The following DYSF variants were observed in gnomAD, a reference collection of about 807,000 sequenced individuals.
DYSF encodes the protein dystrophy-associated fer-1-like 1.
A neutral mutation model predicts 274.9 loss-of-function variants in DYSF; 212 were observed. That is an observed-to-expected ratio of 0.77 (90% CI 0.69 to 0.86). DYSF has a LOEUF of 0.86. Ranked by LOEUF, DYSF falls within the 40% of genes least tolerant of loss-of-function variation. DYSF has a pLI of 0.00. For synonymous variants in DYSF, 1,091 were observed against 1,078.7 expected (o/e 1.01, Z -0.22); for missense variants, 2,666 against 2,783.2 (o/e 0.96, Z 0.95).
Position 71,480,929 on chromosome 2 carries a change from A to G in DYSF, c.138A>G (p.Val46=). The G allele has an allele frequency of 1.2e-6, 2 of 1,614,132 alleles. No individual in the cohort carries two copies. Among genetic ancestry groups the G allele is most frequent in the Non-Finnish European group, 1.7e-6 (2 of 1,179,964 alleles). The change falls in exon 2 of 56, where the codon GTA becomes GTG. Residue 46 remains valine, a synonymous_variant. Coordinates refer to ENST00000410020, the MANE Select transcript of DYSF (RefSeq NM_001130987.2). ...TCATCAAGAACAGCGTGAACCCTGT[A>G]TGGAATGAGGTATGTGAGTTTTTCT... The part of the protein sequence containing the change: ...TKVIKNSVNP[V]WNEGFEWDLK...
At chr2:71,602,315 C>T (rs1239081847) in intron 35 of DYSF, among the ~76,000 whole-genome samples, 8 of 152,192 alleles carry the variant, frequency 5.3e-5, no homozygotes, top group Admixed American at 2.6e-4. Context: ...TCCCTTCATG[C>T]AAGCCCTCCT....
chr2:71,665,044 A>G (rs747203213), intron 46 of DYSF, 118 bp from the exon 47 acceptor site: 58 of 1,521,176 alleles, frequency 3.8e-5, no homozygotes, highest in Non-Finnish European at 4.5e-5. Context: ...TGGGACACCC[A>G]CTGTAAAAGC....
At chr2:71,475,071 G>A (rs898274548) in intron 1 of DYSF, among the ~76,000 whole-genome samples, 16 of 152,208 alleles carry the variant, frequency 1.1e-4, no homozygotes, top group Admixed American at 7.2e-4. Context: ...AGGTCACATA[G>A]TAGTGGCTGT....
At chr2:71,556,267 A>C (rs1218602368) in intron 22 of DYSF, among the ~76,000 whole-genome samples, 196 bp downstream of exon 22, 1 of 152,228 alleles carries the variant, frequency 6.6e-6, no homozygotes, top group Non-Finnish European at 1.5e-5. Context: ...GCAGGTCATA[A>C]ATCTCCCTGC....
chr2:71,645,902 C>T (rs1168353310), intron 42 of DYSF, among the ~76,000 whole-genome samples: 2 of 152,120 alleles, frequency 1.3e-5, no homozygotes, highest in East Asian at 1.9e-4. Context: ...ATAGGAAAGG[C>T]CCCAAGAGCC....
intron 14 of DYSF, among the ~76,000 whole-genome samples, chr2:71,533,014 C>T (rs1284792547): frequency 6.6e-6 from 1 of 152,154 alleles, no homozygotes; most frequent in East Asian, 1.9e-4. Context: ...AATATGACTA[C>T]AGATTCTTTC....
intron 20 of DYSF, 103 bp from the exon 21 acceptor site, chr2:71,553,704 C>A: frequency 8.3e-7 from 1 of 1,204,918 alleles, no homozygotes; most frequent in Non-Finnish European, 1.2e-6. Context: ...CCCAGCTCTG[C>A]CAGTCCTAGC....
At chr2:71,596,351 G>A (rs777142571) in intron 32 of DYSF, among the ~76,000 whole-genome samples, 6 of 152,154 alleles carry the variant, frequency 3.9e-5, no homozygotes, top group East Asian at 1.9e-4. Context: ...GTGTAAACGC[G>A]GTCGGTCTGG....
chr2:71,636,821 A>G (rs1382858318), intron 41 of DYSF, among the ~76,000 whole-genome samples: 1 of 152,174 alleles, frequency 6.6e-6, no homozygotes, highest in Non-Finnish European at 1.5e-5. Context: ...AGCATGGGTG[A>G]CAAGAAGGAG....
At chr2:71,467,199 C>A (rs911092657) in intron 1 of DYSF, among the ~76,000 whole-genome samples, 61 of 152,282 alleles carry the variant, frequency 4.0e-4, no homozygotes, top group Middle Eastern at 6.8e-3. Flanking sequence ...AAGACTGACA[C>A]CCAGAGGAAA....
At chr2:71,654,649 C>T (rs1452902480) in intron 42 of DYSF, among the ~76,000 whole-genome samples, 9 of 150,838 alleles carry the variant, frequency 6.0e-5, no homozygotes, top group Middle Eastern at 3.6e-3. Flanking sequence ...ATTGAAAAAC[C>T]GCAAAACTAA....
chr2:71,563,902 G>A (rs1331237582), intron 23 of DYSF, among the ~76,000 whole-genome samples, 156 bp from the exon 24 acceptor site: 1 of 152,258 alleles, frequency 6.6e-6, no homozygotes, highest in Non-Finnish European at 1.5e-5. Flanking sequence ...AGCCCTGGGA[G>A]GTCTGGGGGA....
intron 1 of DYSF, among the ~76,000 whole-genome samples, chr2:71,459,959 G>T (rs2081218251): frequency 1.3e-5 from 2 of 152,142 alleles, no homozygotes; most frequent in Non-Finnish European, 2.9e-5. Context: ...CCAGGCTATG[G>T]CTCCTAAGCT....
Position 71,457,966 on chromosome 2 carries a change from C to T in DYSF, c.88+3880C>T, listed in dbSNP as rs567951768. Among the ~76,000 whole-genome samples, 12 of 152,280 alleles carry T rather than the reference C, an allele frequency of 7.9e-5. No homozygotes were observed. The South Asian group carries it at 1.2e-3, about 16-fold the overall frequency. On this transcript the variant is annotated intron_variant, in intron 1 of 54. Transcript: ENST00000258104. ...AAGTTGGGCGGGGGGCTCAGAAGAGCGGCTAGCTGGCAGCCTGAGTCACAG... is the reference window on the plus strand; with the variant it reads ...AAGTTGGGCGGGGGGCTCAGAAGAGTGGCTAGCTGGCAGCCTGAGTCACAG...
intron 3 of DYSF, among the ~76,000 whole-genome samples, chr2:71,491,909 G>T (rs918322403): frequency 6.6e-6 from 1 of 152,164 alleles, no homozygotes; most frequent in Admixed American, 6.5e-5. Context: ...GCAGAGTGGC[G>T]GTTTGCTGTG....
upstream of DYSF, chr2:71,466,606 G>A (rs1382048509): frequency 2.5e-6 from 3 of 1,219,352 alleles, no homozygotes; most frequent in Non-Finnish European, 3.1e-6. Flanking sequence ...CCCGCCCGCC[G>A]CGGGCAGGGC....
rs200942650 is a variant in DYSF, at chr2:71,600,729, A to T, written c.3784A>T (p.Ile1262Phe). ...TGCAGACGAGTTTATGGGTCGCTGC[A>T]TCTGTCAACCGAGTCTGGAACGGAT... ...YGADEFMGRC[I>F]CQPSLERMPR... Residue 1262 changes from isoleucine (I) to phenylalanine (F), a missense_variant, in exon 34 of 56, where the codon ATC becomes TTC. Transcript: ENST00000410020. The T allele has an allele frequency of 1.2e-6, 2 of 1,613,990 alleles. No homozygotes were observed. The highest frequency in any genetic ancestry group is 2.2e-5 in the South Asian group (2 of 91,088).
At chr2:71,508,605 T>C (rs1270474155) in intron 4 of DYSF, among the ~76,000 whole-genome samples, 3 of 152,222 alleles carry the variant, frequency 2.0e-5, no homozygotes, top group Non-Finnish European at 4.4e-5. Flanking sequence ...ATTTAGGCTG[T>C]GTGTCTTGGG....
intron 7 of DYSF, 44 bp downstream of exon 7, chr2:71,513,965 T>C (rs1221981852): frequency 1.9e-6 from 3 of 1,611,404 alleles, no homozygotes; most frequent in African/African-American, 1.3e-5. Context: ...TCTTCAGCCA[T>C]CAGCTGCGGG....
Sources: allele counts gnomAD v4.1 joint callset (sites outside exome capture counted in the v4.1 genomes callset), GRCh38; gene constraint gnomAD v4.1.1; transcripts MANE v1.5; gene names NCBI Gene and HGNC (gene_info 2026-07-23, HGNC 2026-07-21).